EDNRA: variants seen among roughly 807,000 people sequenced by gnomAD.
The protein encoded by EDNRA is endothelin-1 receptor.
A neutral mutation model predicts 41.4 loss-of-function variants in EDNRA; 11 were observed. That is an observed-to-expected ratio of 0.27 (90% CI 0.17 to 0.44). EDNRA has a LOEUF of 0.44. Ranked by LOEUF, EDNRA falls within the 20% of genes least tolerant of loss-of-function variation. The probability of loss-of-function intolerance (pLI) is 1.00; values close to 1 mark genes in which losing one functional copy is unlikely to be tolerated. For synonymous variants in EDNRA, 172 were observed against 183.0 expected (o/e 0.94, Z 0.49); for missense variants, 294 against 531.0 (o/e 0.55, Z 4.39).
chr4:147,500,500 T>C (rs1165824047), intron 2 of EDNRA, among the ~76,000 whole-genome samples: 3 of 152,172 alleles, frequency 2.0e-5, no homozygotes, highest in South Asian at 2.1e-4. Context: ...AGAGGCTCAT[T>C]TGAGCCCATA....
chr4:147,539,762 A>G (rs1413687789), intron 5 of EDNRA, 55 bp from the exon 6 acceptor site: 7 of 1,572,452 alleles, frequency 4.5e-6, no homozygotes, highest in African/African-American at 1.4e-5. Flanking sequence ...TAGTTCTTGC[A>G]TCTAGTATAA....
intron 5 of EDNRA, among the ~76,000 whole-genome samples, chr4:147,537,511 A>G (rs1385504779): frequency 6.6e-6 from 1 of 152,212 alleles, no homozygotes; most frequent in Non-Finnish European, 1.5e-5. Context: ...CATTCGCACC[A>G]TGATTGAGCC....
chr4:147,497,033 A>T (rs1315091200), intron 2 of EDNRA, among the ~76,000 whole-genome samples: 1 of 151,728 alleles, frequency 6.6e-6, no homozygotes, highest in African/African-American at 2.4e-5. Context: ...ATATCTAAAT[A>T]TATACTTCTT....
At chr4:147,534,838 A>C (rs1290959985) in intron 4 of EDNRA, among the ~76,000 whole-genome samples, 1 of 152,226 alleles carries the variant, frequency 6.6e-6, no homozygotes. Context: ...TATAGTCTTT[A>C]CCAGACTTCC....
intron 2 of EDNRA, among the ~76,000 whole-genome samples, chr4:147,516,993 TA>T (rs33958974): frequency 0.02 from 2,905 of 146,320 alleles, 87 homozygotes; most frequent in African/African-American, 0.066. Context: ...TTTCTTTTTG[TA>T]AAAAAAAAAA....
intron 2 of EDNRA, among the ~76,000 whole-genome samples, chr4:147,518,775 T>C (rs530522381): frequency 6.6e-6 from 1 of 152,134 alleles, no homozygotes; most frequent in African/African-American, 2.4e-5. Flanking sequence ...AAGGAGTTTG[T>C]CAAGTTAGTA....
intron 2 of EDNRA, chr4:147,506,738 T>A: frequency 3.1e-6 from 1 of 322,126 alleles, no homozygotes; most frequent in Non-Finnish European, 6.1e-6. Context: ...AGTACAGACA[T>A]CACCAAGGAG....
At chr4:147,502,062 A>C (rs1261711583) in intron 2 of EDNRA, among the ~76,000 whole-genome samples, 1 of 152,170 alleles carries the variant, frequency 6.6e-6, no homozygotes, top group African/African-American at 2.4e-5. Flanking sequence ...AGAAAATGTC[A>C]GGGAGGAAGT....
rs1251964039 is a variant in EDNRA, at chr4:147,486,462, A to G, written c.420+361A>G. ...CCAGAGTGAGAGCTACTAGGCCCAG[A>G]AAATACTTGAAACAAACATATCCTT... On this transcript the variant is annotated intron_variant, in intron 2 of 7. Coordinates refer to ENST00000651419, the MANE Select transcript of EDNRA (RefSeq NM_001957.4). The surrounding 1 kb of genome is among the most constrained non-coding windows in gnomAD (Gnocchi z 4.3). Among the ~76,000 whole-genome samples the G allele has an allele frequency of 6.6e-6, 1 of 152,216 alleles. No individual in the cohort carries two copies.
In EDNRA at chr4:147,520,323, TA is replaced by T. The variant is rs201394761; in HGVS notation, c.548+352del. On this transcript the variant is annotated intron_variant, in intron 3 of 7. Coordinates refer to ENST00000651419, the MANE Select transcript of EDNRA (RefSeq NM_001957.4). Reference sequence around the variant, plus strand: ...TATATTTCACCTGGTAAATTTATCATAAAAAAAGATACTGTTCAATTATATC... The same window carrying T: ...TATATTTCACCTGGTAAATTTATCATAAAAAAGATACTGTTCAATTATATC... 1,596 of 491,836 alleles carry T rather than the reference TA, an allele frequency of 3.2e-3. 14 individuals are homozygous for T. The highest frequency in any genetic ancestry group is 0.026 in the African/African-American group (1,350 of 50,944). 30.5% of individuals were successfully genotyped at this position (491,836 alleles called of 1,614,324 possible).
At chr4:147,503,418 C>T (rs1729581459) in intron 2 of EDNRA, among the ~76,000 whole-genome samples, 1 of 152,022 alleles carries the variant, frequency 6.6e-6, no homozygotes, top group Non-Finnish European at 1.5e-5. Flanking sequence ...TCACAGGGAA[C>T]AGGAAGCAGG....
intron 2 of EDNRA, among the ~76,000 whole-genome samples, chr4:147,518,200 G>A (rs1477207710): frequency 6.6e-6 from 1 of 152,106 alleles, no homozygotes; most frequent in Non-Finnish European, 1.5e-5. Flanking sequence ...AGGTTTTCTT[G>A]TTTTTATAGG....
chr4:147,505,822 G>A (rs1295554472), intron 2 of EDNRA, among the ~76,000 whole-genome samples: 2 of 151,576 alleles, frequency 1.3e-5, no homozygotes, highest in African/African-American at 4.9e-5. Context: ...CTAATTTTTT[G>A]CATTCTTAGT....
At chr4:147,488,740 T>C (rs911928192) in intron 2 of EDNRA, 1 of 152,218 alleles carries the variant, frequency 6.6e-6, no homozygotes, top group Non-Finnish European at 1.5e-5. Context: ...CATGAGATCA[T>C]ACATGTTGCT....
intron 3 of EDNRA, among the ~76,000 whole-genome samples, chr4:147,531,083 C>A (rs1183772047): frequency 6.6e-6 from 1 of 152,110 alleles, no homozygotes; most frequent in African/African-American, 2.4e-5. Flanking sequence ...CTAAACCAAA[C>A]CTTCCTTAGA....
At chr4:147,503,359 A>G (rs1257436666) in intron 2 of EDNRA, among the ~76,000 whole-genome samples, 1 of 152,014 alleles carries the variant, frequency 6.6e-6, no homozygotes, top group Non-Finnish European at 1.5e-5. Context: ...AACACTCTCA[A>G]TCTACTGAGC....
intron 3 of EDNRA, among the ~76,000 whole-genome samples, chr4:147,525,696 A>G (rs1417343883): frequency 6.6e-6 from 1 of 152,090 alleles, no homozygotes; most frequent in Non-Finnish European, 1.5e-5. Context: ...GGGTCAGACC[A>G]GTAAAAAGGT....
At chr4:147,492,653 A>C (rs1224109121) in intron 2 of EDNRA, 1 of 125,926 alleles carries the variant, frequency 7.9e-6, no homozygotes, top group African/African-American at 3.3e-5. Context: ...CATTCATATC[A>C]CAGAAGTTTT....
chr4:147,505,378 T>G (rs1729669979), intron 2 of EDNRA, among the ~76,000 whole-genome samples: 1 of 137,908 alleles, frequency 7.3e-6, no homozygotes, highest in Admixed American at 7.5e-5. Context: ...GCGCTCTTGT[T>G]GCCCAGGCTG....
Sources: allele counts gnomAD v4.1 joint callset (sites outside exome capture counted in the v4.1 genomes callset), GRCh38; gene constraint gnomAD v4.1.1; non-coding constraint Gnocchi (gnomAD v3.1); transcripts MANE v1.5; gene names NCBI Gene and HGNC (gene_info 2026-07-23, HGNC 2026-07-21).